DLG2: variants seen among roughly 807,000 people sequenced by gnomAD.
The protein encoded by DLG2 is disks large homolog 2.
Under a neutral mutation model 132.5 loss-of-function variants are expected in DLG2, and 45 were observed. That is an observed-to-expected ratio of 0.34 (90% CI 0.27 to 0.44). DLG2 has a LOEUF of 0.44. Ranked by LOEUF, DLG2 falls within the 20% of genes least tolerant of loss-of-function variation. The pLI, the probability that DLG2 is intolerant of heterozygous loss-of-function variation, is 1.00. For missense variants in DLG2, 1,045 were observed against 1,196.9 expected (o/e 0.87, Z 1.87); for synonymous variants, 424 against 419.6 (o/e 1.01, Z -0.13).
intron 6 of DLG2, among the ~76,000 whole-genome samples, chr11:84,559,667 TA>T (rs2099419424): frequency 6.6e-6 from 1 of 152,166 alleles, no homozygotes; most frequent in Non-Finnish European, 1.5e-5. Context: ...TATGTGCTAT[TA>T]GGCATTAGGC....
At chr11:85,242,795 C>T (rs777992612) in intron 4 of DLG2, among the ~76,000 whole-genome samples, 5 of 151,752 alleles carry the variant, frequency 3.3e-5, no homozygotes, top group Non-Finnish European at 7.4e-5. Context: ...CTTTCTAACA[C>T]CTGTGATCTA....
At chr11:84,630,290 T>A (rs1415766551) in intron 6 of DLG2, among the ~76,000 whole-genome samples, 1 of 152,182 alleles carries the variant, frequency 6.6e-6, no homozygotes, top group Non-Finnish European at 1.5e-5. Context: ...CAACAGAATC[T>A]TGTAGAAACC....
intron 4 of DLG2, among the ~76,000 whole-genome samples, chr11:85,227,983 C>T (rs1201267957): frequency 6.6e-6 from 1 of 152,106 alleles, no homozygotes; most frequent in Admixed American, 6.6e-5. Context: ...CTTACTTTCT[C>T]CAGCCAGTGT....
intron 7 of DLG2, among the ~76,000 whole-genome samples, chr11:84,318,595 A>C (rs1376996907): frequency 7.2e-5 from 11 of 152,244 alleles, no homozygotes; most frequent in Admixed American, 7.2e-4. Flanking sequence ...ACATTTGAAC[A>C]CTAAGACTCC....
intron 22 of DLG2, among the ~76,000 whole-genome samples, chr11:83,481,525 T>C (rs897284512): frequency 6.6e-6 from 1 of 152,152 alleles, no homozygotes; most frequent in African/African-American, 2.4e-5. Context: ...TTTGATATCA[T>C]ACATTCTTGC....
chr11:84,198,170 C>T (rs1406550914), intron 8 of DLG2, among the ~76,000 whole-genome samples: 1 of 152,022 alleles, frequency 6.6e-6, no homozygotes, highest in Non-Finnish European at 1.5e-5. Flanking sequence ...ACCATTACCC[C>T]CATTTTATAG....
intron 3 of DLG2, among the ~76,000 whole-genome samples, chr11:85,594,674 C>A (rs185105260): frequency 1.3e-5 from 2 of 152,082 alleles, no homozygotes; most frequent in East Asian, 3.9e-4. Context: ...ATTTAACTAA[C>A]CCATAATATT....
intron 3 of DLG2, among the ~76,000 whole-genome samples, chr11:85,594,379 A>T (rs1463845094): frequency 2.0e-5 from 3 of 152,218 alleles, no homozygotes; most frequent in African/African-American, 7.2e-5. Context: ...ATTAAACAAG[A>T]TAAGCCCTTT....
chr11:84,965,075 T>A (rs1404115233), intron 6 of DLG2, among the ~76,000 whole-genome samples: 1 of 152,132 alleles, frequency 6.6e-6, no homozygotes, highest in Non-Finnish European at 1.5e-5. Context: ...CTATACATTG[T>A]ATAAATAGAT....
At chr11:83,696,915 T>G (rs960572272) in intron 18 of DLG2, among the ~76,000 whole-genome samples, 1 of 152,202 alleles carries the variant, frequency 6.6e-6, no homozygotes, top group Admixed American at 6.5e-5. Flanking sequence ...CCATTTTTAA[T>G]TTTCGCCATA....
chr11:84,239,412 C>A (rs928284974), intron 8 of DLG2, among the ~76,000 whole-genome samples: 4 of 152,126 alleles, frequency 2.6e-5, no homozygotes, highest in Admixed American at 6.6e-5. Flanking sequence ...AACTCCCTGA[C>A]CTCAGGTGAT....
At chr11:85,588,253 T>G (rs2079092172) in intron 3 of DLG2, among the ~76,000 whole-genome samples, 1 of 152,200 alleles carries the variant, frequency 6.6e-6, no homozygotes, top group Non-Finnish European at 1.5e-5. Flanking sequence ...AGTTCTCTGG[T>G]GAGGCCAGGC....
intron 6 of DLG2, among the ~76,000 whole-genome samples, chr11:84,670,862 A>T (rs2153692057): frequency 6.6e-6 from 1 of 152,254 alleles, no homozygotes; most frequent in Non-Finnish European, 1.5e-5. Context: ...TTTTATCTTA[A>T]AAATTCCTAT....
At chr11:85,613,850 G>A (rs1286637592) in intron 2 of DLG2, among the ~76,000 whole-genome samples, 1 of 152,164 alleles carries the variant, frequency 6.6e-6, no homozygotes, top group East Asian at 1.9e-4. Context: ...CTCACTCTTT[G>A]GGTATGTGCC....
At chr11:83,756,903 T>C (rs573675556) in intron 18 of DLG2, among the ~76,000 whole-genome samples, 2 of 152,348 alleles carry the variant, frequency 1.3e-5, no homozygotes, top group South Asian at 2.1e-4. Context: ...ATTGAGCATA[T>C]ACTATGTGTC....
chr11:84,313,593 G>T, intron 7 of DLG2, among the ~76,000 whole-genome samples: 1 of 137,482 alleles, frequency 7.3e-6, no homozygotes, highest in Non-Finnish European at 1.6e-5. Flanking sequence ...AAGGAAGGAA[G>T]GAAGGAGGGA....
At chr11:85,548,764 C>A (rs1256973557) in intron 3 of DLG2, among the ~76,000 whole-genome samples, 1 of 152,128 alleles carries the variant, frequency 6.6e-6, no homozygotes, top group Non-Finnish European at 1.5e-5. Flanking sequence ...ACAATTTGAA[C>A]TTCCCAGTGT....
intron 3 of DLG2, among the ~76,000 whole-genome samples, chr11:85,536,687 C>G (rs565364015): frequency 2.0e-5 from 3 of 152,228 alleles, no homozygotes; most frequent in Non-Finnish European, 2.9e-5. Context: ...TCCAGGTGAG[C>G]GCAGGCTTGG....
At chr11:85,138,091 T>C (rs992577041) in intron 5 of DLG2, among the ~76,000 whole-genome samples, 3 of 152,190 alleles carry the variant, frequency 2.0e-5, no homozygotes, top group African/African-American at 7.2e-5. Flanking sequence ...GCTAATGAAA[T>C]GAATTAATTT....
Sources: gnomAD v4.1 joint callset for allele counts (sites outside exome capture counted in the v4.1 genomes callset) on GRCh38, gnomAD v4.1.1 for gene constraint, MANE v1.5 for transcripts, NCBI Gene and HGNC (gene_info 2026-07-23, HGNC 2026-07-21) for gene names.